The following CA10 variants were observed in gnomAD, a reference collection of about 807,000 sequenced individuals.
CA10 encodes the protein carbonic anhydrase 10 (inactive).
A neutral mutation model predicts 44.2 loss-of-function variants in CA10; 14 were observed. The observed-to-expected ratio is 0.32, with a 90% CI of 0.21 to 0.50. The LOEUF (loss-of-function observed/expected upper bound fraction) is 0.50, where lower values mean the gene tolerates loss of function less well. CA10 is among the 20% of genes least tolerant of loss of function. The probability of loss-of-function intolerance (pLI) is 0.99; values close to 1 mark genes in which losing one functional copy is unlikely to be tolerated. For synonymous variants in CA10, 159 were observed against 141.6 expected, an observed-to-expected ratio of 1.12 and a Z score of -0.87; for missense variants, 350 against 409.7, an observed-to-expected ratio of 0.85 and a Z score of 1.26.
chr17:51,644,800 C>CT (rs148441183), intron 6 of CA10, among the ~76,000 whole-genome samples: 41,591 of 121,032 alleles, frequency 0.34, 7,802 homozygotes, highest in South Asian at 0.43. Flanking sequence ...CATTTCTTGG[C>CT]TTTTTTTTTT....
chr17:51,976,704 A>G (rs927963905), intron 2 of CA10, among the ~76,000 whole-genome samples: 1 of 152,058 alleles, frequency 6.6e-6, no homozygotes, highest in African/African-American at 2.4e-5. Context: ...AAGATAAAAT[A>G]AAAAACAAAT....
chr17:51,784,557 A>T (rs184611010), intron 3 of CA10, among the ~76,000 whole-genome samples: 130 of 152,156 alleles, frequency 8.5e-4, no homozygotes, highest in African/African-American at 3.1e-3. Flanking sequence ...TAGACACTCA[A>T]CCTCCATGAG....
At chr17:51,859,875 G>A (rs368532386) in intron 3 of CA10, among the ~76,000 whole-genome samples, 5 of 152,122 alleles carry the variant, frequency 3.3e-5, no homozygotes, top group Admixed American at 6.6e-5. Flanking sequence ...TGTGGCTGAA[G>A]ATTGCCATGA....
At chr17:51,807,382 T>G (rs1421908651) in intron 3 of CA10, among the ~76,000 whole-genome samples, 1 of 152,310 alleles carries the variant, frequency 6.6e-6, no homozygotes, top group Admixed American at 6.5e-5. Context: ...CCCTTATTCA[T>G]TTTATTGTTA....
At chr17:51,682,924 G>C (rs1166947110) in intron 4 of CA10, among the ~76,000 whole-genome samples, 1 of 152,058 alleles carries the variant, frequency 6.6e-6, no homozygotes, top group South Asian at 2.1e-4. Flanking sequence ...TCCCAAATTT[G>C]CCTGCTTATA....
chr17:51,749,789 A>G (rs1036136644), intron 3 of CA10, among the ~76,000 whole-genome samples: 2 of 152,208 alleles, frequency 1.3e-5, no homozygotes, highest in African/African-American at 4.8e-5. Flanking sequence ...AGATGTCCCA[A>G]CATTGACAGA....
intron 3 of CA10, among the ~76,000 whole-genome samples, chr17:51,827,331 C>T (rs976830913): frequency 3.7e-5 from 5 of 135,954 alleles, no homozygotes; most frequent in Admixed American, 2.1e-4. Flanking sequence ...GAGAGAAACA[C>T]GCACACACAC....
chr17:52,113,361 A>G (rs1394020794), intron 1 of CA10, among the ~76,000 whole-genome samples: 1 of 152,066 alleles, frequency 6.6e-6, no homozygotes, highest in Non-Finnish European at 1.5e-5. Context: ...CCTTTTCCTT[A>G]CGGCCAGGTT....
intron 3 of CA10, among the ~76,000 whole-genome samples, chr17:51,781,700 G>A (rs1906067363): frequency 6.6e-6 from 1 of 152,150 alleles, no homozygotes; most frequent in South Asian, 2.1e-4. Context: ...CTGTCTGCAT[G>A]TGACACCTCC....
chr17:51,766,103 T>C (rs911394852), intron 3 of CA10, among the ~76,000 whole-genome samples: 1 of 152,092 alleles, frequency 6.6e-6, no homozygotes, highest in Non-Finnish European at 1.5e-5. Context: ...CTACGAGGTA[T>C]GAGAAAAAAC....
chr17:51,825,735 C>T (rs921558307), intron 3 of CA10, among the ~76,000 whole-genome samples: 2 of 152,184 alleles, frequency 1.3e-5, no homozygotes, highest in Non-Finnish European at 2.9e-5. Context: ...TTTTGCTCAT[C>T]CTAACCTTTG....
At chr17:51,768,779 A>G (rs568445244) in intron 3 of CA10, among the ~76,000 whole-genome samples, 1 of 152,348 alleles carries the variant, frequency 6.6e-6, no homozygotes, top group African/African-American at 2.4e-5. Flanking sequence ...GTAAGCTAGT[A>G]CTTGGCACAT....
At chr17:52,045,973 T>C (rs1214709443) in intron 2 of CA10, among the ~76,000 whole-genome samples, 1 of 151,960 alleles carries the variant, frequency 6.6e-6, no homozygotes, top group African/African-American at 2.4e-5. Flanking sequence ...ACTAGTGTAT[T>C]TTAAATAACT....
At position 51,688,686 on chromosome 17, in the gene CA10, C is replaced by T. The variant is rs186466754; in HGVS notation, c.466-34950G>A. On this transcript the variant is annotated intron_variant, in intron 4 of 8. Transcript: ENST00000451037. ...TTCTATGCCTGAATTGTATCCCTTT[C>T]CCCATCTGCCTGCAGAATTACACTT... Among the ~76,000 whole-genome samples the T allele has an allele frequency of 2.6e-3, 397 of 152,280 alleles. 1 individual carries two copies. Among genetic ancestry groups the T allele is most frequent in the South Asian group, 4.8e-3 (23 of 4,816 alleles).
intron 3 of CA10, among the ~76,000 whole-genome samples, chr17:51,751,093 T>A (rs1904874643): frequency 6.6e-6 from 1 of 152,138 alleles, no homozygotes; most frequent in Non-Finnish European, 1.5e-5. Context: ...ATTTCCTCCA[T>A]GAAAATGGCA....
intron 3 of CA10, 83 bp from the exon 4 acceptor site, chr17:51,747,901 C>T (rs945262958): frequency 4.9e-6 from 5 of 1,030,562 alleles, no homozygotes; most frequent in Middle Eastern, 2.1e-4. Flanking sequence ...TGGATCAACA[C>T]CTTTTGCTTC....
intron 4 of CA10, among the ~76,000 whole-genome samples, chr17:51,674,099 C>T (rs922775362): frequency 6.6e-6 from 1 of 152,224 alleles, no homozygotes; most frequent in Non-Finnish European, 1.5e-5. Context: ...CTATTAAGGC[C>T]TCTACTGCTT....
intron 3 of CA10, among the ~76,000 whole-genome samples, chr17:51,905,086 T>C (rs1455247076): frequency 6.6e-6 from 1 of 152,170 alleles, no homozygotes; most frequent in African/African-American, 2.4e-5. Flanking sequence ...ATCAAAGGTG[T>C]AAGTAAATTC....
intron 3 of CA10, among the ~76,000 whole-genome samples, chr17:51,883,153 GATTTT>G (rs1473687769): frequency 3.9e-5 from 6 of 152,140 alleles, no homozygotes; most frequent in African/African-American, 1.4e-4. Flanking sequence ...ACTGTGGTTT[GATTTT>G]ATTTTGACAG....
Sources: allele counts gnomAD v4.1 joint callset (sites outside exome capture counted in the v4.1 genomes callset), GRCh38; gene constraint gnomAD v4.1.1; transcripts MANE v1.5; gene names NCBI Gene and HGNC (gene_info 2026-07-23, HGNC 2026-07-21).